SLC24A2: variants seen among roughly 807,000 people sequenced by gnomAD.
SLC24A2 encodes solute carrier family 24 member 2.
A neutral mutation model predicts 62.0 loss-of-function variants in SLC24A2; 36 were observed. The observed-to-expected ratio is 0.58, with a 90% CI of 0.44 to 0.77. The LOEUF (loss-of-function observed/expected upper bound fraction) is 0.77. Among genes scored for constraint, SLC24A2 ranks in the 30% least tolerant of loss-of-function variants. The pLI, the probability that SLC24A2 is intolerant of heterozygous loss-of-function variation, is 0.00. For missense variants in SLC24A2, 846 were observed against 817.9 expected (o/e 1.03, Z -0.42); for synonymous variants, 358 against 294.0 (o/e 1.22, Z -2.23).
intron 2 of SLC24A2, among the ~76,000 whole-genome samples, chr9:19,660,498 G>T (rs564286692): frequency 6.6e-6 from 1 of 152,094 alleles, no homozygotes; most frequent in South Asian, 2.1e-4. Flanking sequence ...TAGGAGGGAG[G>T]GCAAGAAAGG....
the SLC24A2 span, among the ~76,000 whole-genome samples, chr9:20,288,683 G>A: frequency 6.6e-6 from 1 of 151,372 alleles, no homozygotes; most frequent in East Asian, 1.9e-4. Flanking sequence ...ACTTGAACCT[G>A]GAAGGCGGAG....
chr9:19,841,861 C>A, the SLC24A2 span, among the ~76,000 whole-genome samples: 8 of 152,190 alleles, frequency 5.3e-5, no homozygotes, highest in African/African-American at 1.9e-4. Flanking sequence ...GTAACACCAG[C>A]CACCCTAGTG....
At chr9:19,676,388 G>C (rs1353847094) in intron 2 of SLC24A2, among the ~76,000 whole-genome samples, 1 of 152,162 alleles carries the variant, frequency 6.6e-6, no homozygotes, top group Admixed American at 6.5e-5. Flanking sequence ...ATTTAGTCCT[G>C]CCTATTATCT....
the SLC24A2 span, among the ~76,000 whole-genome samples, chr9:19,980,528 C>A: frequency 6.6e-6 from 1 of 152,098 alleles, no homozygotes; most frequent in African/African-American, 2.4e-5. Context: ...AGTGGACACT[C>A]AGAAATGGCT....
chr9:20,083,742 C>T, the SLC24A2 span, among the ~76,000 whole-genome samples: 1 of 152,106 alleles, frequency 6.6e-6, no homozygotes, highest in African/African-American at 2.4e-5. Context: ...CCACCATTGC[C>T]CCCTCAGCAA....
the SLC24A2 span, among the ~76,000 whole-genome samples, chr9:20,218,128 A>G: frequency 6.6e-6 from 1 of 152,170 alleles, no homozygotes; most frequent in Non-Finnish European, 1.5e-5. Context: ...AGCTTCCAAA[A>G]GGTATAAAAG....
At chr9:19,640,856 C>T (rs1045221981) in intron 2 of SLC24A2, among the ~76,000 whole-genome samples, 1 of 152,122 alleles carries the variant, frequency 6.6e-6, no homozygotes, top group Non-Finnish European at 1.5e-5. Context: ...TTTGGGTACC[C>T]CCTTAAATTT....
intron 3 of SLC24A2, among the ~76,000 whole-genome samples, chr9:19,621,287 C>T (rs1817902588): frequency 6.6e-6 from 1 of 152,146 alleles, no homozygotes; most frequent in South Asian, 2.1e-4. Context: ...ACTGGTGCCT[C>T]AATGGTGAAC....
At chr9:20,004,821 T>C in the SLC24A2 span, among the ~76,000 whole-genome samples, 6 of 152,164 alleles carry the variant, frequency 3.9e-5, no homozygotes, top group African/African-American at 1.4e-4. Context: ...ATTTTTTTTT[T>C]TCTTCCTTTG....
chr9:19,525,516 C>G (rs1378717469), intron 9 of SLC24A2, among the ~76,000 whole-genome samples: 2 of 150,534 alleles, frequency 1.3e-5, no homozygotes, highest in African/African-American at 4.9e-5. Flanking sequence ...TGATCCTCCC[C>G]ACTCAACCTC....
chr9:20,050,764 T>C, the SLC24A2 span, among the ~76,000 whole-genome samples: 1 of 152,208 alleles, frequency 6.6e-6, no homozygotes, highest in African/African-American at 2.4e-5. Context: ...CTTAAAATTT[T>C]CACTAACAAC....
chr9:19,742,552 A>C (rs780090519), intron 2 of SLC24A2, among the ~76,000 whole-genome samples: 1 of 152,152 alleles, frequency 6.6e-6, no homozygotes, highest in Admixed American at 6.6e-5. Context: ...AATCCCCCAT[A>C]CCTGTTCTTA....
the SLC24A2 span, among the ~76,000 whole-genome samples, chr9:20,198,853 T>A: frequency 3.8e-4 from 58 of 152,356 alleles, no homozygotes; most frequent in Admixed American, 3.3e-3. Flanking sequence ...AATCAGTTTC[T>A]CAGAAAGAGG....
chr9:20,249,322 G>C, the SLC24A2 span, among the ~76,000 whole-genome samples: 16,724 of 152,070 alleles, frequency 0.11, 1,073 homozygotes, highest in East Asian at 0.2. Context: ...ACCATGGACA[G>C]TTTACTTAAT....
At chr9:20,205,675 C>CAA in the SLC24A2 span, among the ~76,000 whole-genome samples, 1 of 90,658 alleles carries the variant, frequency 1.1e-5, no homozygotes, top group African/African-American at 4.2e-5. Flanking sequence ...AAAAAAAAAA[C>CAA]AAACAAAAAA....
the SLC24A2 span, among the ~76,000 whole-genome samples, chr9:20,213,320 G>A: frequency 6.6e-6 from 1 of 151,782 alleles, no homozygotes; most frequent in Non-Finnish European, 1.5e-5. Context: ...CCTATAGGAT[G>A]AAGTCAAATT....
chr9:19,908,089 A>G, the SLC24A2 span, among the ~76,000 whole-genome samples: 29 of 152,204 alleles, frequency 1.9e-4, no homozygotes, highest in Non-Finnish European at 3.1e-4. Context: ...AAACTATACT[A>G]CAAGGCTACA....
the SLC24A2 span, among the ~76,000 whole-genome samples, chr9:19,953,597 C>A: frequency 1.3e-5 from 2 of 151,912 alleles, no homozygotes; most frequent in East Asian, 3.9e-4. Context: ...TCAAAAGAAA[C>A]CTACAAAATT....
chr9:20,275,461 C>A, the SLC24A2 span, among the ~76,000 whole-genome samples: 10 of 152,266 alleles, frequency 6.6e-5, no homozygotes, highest in South Asian at 1.7e-3. Flanking sequence ...GAAATATCTA[C>A]CTCTGCTCAG....
Sources: allele counts gnomAD v4.1 joint callset (sites outside exome capture counted in the v4.1 genomes callset), GRCh38; gene constraint gnomAD v4.1.1; transcripts MANE v1.5; gene names NCBI Gene and HGNC (gene_info 2026-07-23, HGNC 2026-07-21).